The following OSBPL10 variants were observed in gnomAD, a reference collection of about 807,000 sequenced individuals.
The protein encoded by OSBPL10 is oxysterol binding protein like 10, also known as oxysterol-binding protein-related protein 10.
Under a neutral mutation model 81.7 loss-of-function variants are expected in OSBPL10, and 49 were observed. The observed-to-expected ratio is 0.60, with a 90% confidence interval of 0.48 to 0.76. The LOEUF (loss-of-function observed/expected upper bound fraction) is 0.76. Ranked by LOEUF, OSBPL10 falls within the 30% of genes least tolerant of loss-of-function variation. The pLI, the probability that OSBPL10 is intolerant of heterozygous loss-of-function variation, is 0.00. For synonymous variants in OSBPL10, 419 were observed against 383.6 expected, an observed-to-expected ratio of 1.09 and a Z score of -1.08; for missense variants, 923 against 987.8, an observed-to-expected ratio of 0.93 and a Z score of 0.88.
At chr3:31,685,326 C>T (rs576982205) in intron 7 of OSBPL10, among the ~76,000 whole-genome samples, 1 of 152,204 alleles carries the variant, frequency 6.6e-6, no homozygotes, top group Non-Finnish European at 1.5e-5. Context: ...CCTCAGTCTC[C>T]TGAGTAGCTG....
intron 3 of OSBPL10, among the ~76,000 whole-genome samples, chr3:31,834,699 A>C (rs1218971912): frequency 3.3e-5 from 5 of 152,226 alleles, no homozygotes; most frequent in Non-Finnish European, 5.9e-5. Context: ...GAATCTGTCC[A>C]ATCAAGGTAA....
intron 4 of OSBPL10, among the ~76,000 whole-genome samples, chr3:31,762,629 C>CCTTTTTTTTTTTTTTTTTT (rs1491572896): frequency 2.3e-4 from 4 of 17,236 alleles, no homozygotes; most frequent in African/African-American, 8.3e-4. Flanking sequence ...CCATGCCCAG[C>CCTTTTTTTTTTTTTTTTTT]ATTTTTTTTT....
chr3:31,878,375 A>G (rs150075903), intron 2 of OSBPL10, among the ~76,000 whole-genome samples: 190 of 152,376 alleles, frequency 1.2e-3, no homozygotes, highest in African/African-American at 4.4e-3. Flanking sequence ...AAGCGAAGCC[A>G]AGGACCATAT....
At chr3:31,895,780 T>A (rs1449269085) in intron 1 of OSBPL10, among the ~76,000 whole-genome samples, 4 of 152,222 alleles carry the variant, frequency 2.6e-5, no homozygotes, top group African/African-American at 9.6e-5. Flanking sequence ...AACGTACAGA[T>A]ATGTTGTCTA....
intron 3 of OSBPL10, among the ~76,000 whole-genome samples, chr3:31,849,447 G>A (rs1017466236): frequency 2.6e-5 from 4 of 152,008 alleles, no homozygotes; most frequent in African/African-American, 7.2e-5. Flanking sequence ...TATCTCTAAC[G>A]CACACAAAGA....
At chr3:31,764,144 T>C (rs1464380014) in intron 4 of OSBPL10, among the ~76,000 whole-genome samples, 1 of 152,262 alleles carries the variant, frequency 6.6e-6, no homozygotes, top group South Asian at 2.1e-4. Flanking sequence ...TGCTTTCTAC[T>C]CCTTCTCCAC....
At chr3:31,990,510 TGGAGAG>T in intron 2 of OSBPL10, 1 of 1,609,154 alleles carries the variant, frequency 6.2e-7, no homozygotes, top group Non-Finnish European at 8.5e-7. Flanking sequence ...CAATTCATAC[TGGAGAG>T]AAACCTTACA....
At chr3:32,066,469 G>A (rs1166735484) in intron 1 of OSBPL10, 1 of 152,296 alleles carries the variant, frequency 6.6e-6, no homozygotes, top group East Asian at 1.9e-4. Flanking sequence ...GTTGAATAAA[G>A]GCAGCCTTAC....
chr3:31,685,538 C>G (rs1448679768), intron 7 of OSBPL10, among the ~76,000 whole-genome samples: 1 of 152,202 alleles, frequency 6.6e-6, no homozygotes, highest in Non-Finnish European at 1.5e-5. Context: ...GCATCTCATT[C>G]TGTTCCTCCT....
Position 31,989,528 on chromosome 3 carries a change from C to T in OSBPL10, n.298+56963G>A, listed in dbSNP as rs776159912. The T allele has an allele frequency of 2.0e-5, 32 of 1,614,186 alleles. No individual in the cohort carries two copies. The highest frequency in any genetic ancestry group is 2.7e-5 in the Non-Finnish European group (32 of 1,180,028). ...GATCGAAGGCATCCTGGAAACAAGCCTATCAAAGATCAGCTTGGATTAAGC... is the reference window on the plus strand; with the variant it reads ...GATCGAAGGCATCCTGGAAACAAGCTTATCAAAGATCAGCTTGGATTAAGC... On this transcript the variant is annotated intron_variant and non_coding_transcript_variant, in intron 2 of 3. Transcript: ENST00000479173.
intron 4 of OSBPL10, among the ~76,000 whole-genome samples, chr3:31,770,951 G>C (rs1019874425): frequency 2.0e-5 from 3 of 152,210 alleles, no homozygotes; most frequent in African/African-American, 7.2e-5. Flanking sequence ...GTGTCTAGGA[G>C]TGTAGGCTGA....
At chr3:31,727,180 T>G (rs751701532) in intron 6 of OSBPL10, among the ~76,000 whole-genome samples, 4 of 152,082 alleles carry the variant, frequency 2.6e-5, no homozygotes, top group Non-Finnish European at 4.4e-5. Context: ...TTCCTGTTAT[T>G]TGCATCTGAA....
intron 3 of OSBPL10, among the ~76,000 whole-genome samples, chr3:31,849,124 A>T (rs1373267856): frequency 6.6e-6 from 1 of 152,226 alleles, no homozygotes; most frequent in Non-Finnish European, 1.5e-5. Context: ...GCCAAGTCAC[A>T]TGTGAACAGA....
chr3:31,872,382 C>G (rs1269629186), intron 3 of OSBPL10, among the ~76,000 whole-genome samples: 1 of 151,860 alleles, frequency 6.6e-6, no homozygotes, highest in Non-Finnish European at 1.5e-5. Context: ...GTGTACAAAC[C>G]AATGGAGGCT....
At chr3:31,718,128 CTTTTT>C (rs534220816) in intron 6 of OSBPL10, 1 of 144,292 alleles carries the variant, frequency 6.9e-6, no homozygotes, top group African/African-American at 2.6e-5. Context: ...TCTTCTTCTT[CTTTTT>C]TTTTTTTCTT....
intron 3 of OSBPL10, among the ~76,000 whole-genome samples, chr3:31,859,905 A>C (rs1701017911): frequency 6.6e-6 from 1 of 152,182 alleles, no homozygotes; most frequent in Admixed American, 6.5e-5. Flanking sequence ...TCCCACATGT[A>C]ATCAGACTGG....
chr3:31,941,426 T>G (rs1217633425), intron 1 of OSBPL10, among the ~76,000 whole-genome samples: 1 of 152,210 alleles, frequency 6.6e-6, no homozygotes, highest in Non-Finnish European at 1.5e-5. Context: ...TCAGTTGATT[T>G]AAGCAGAGGC....
intron 1 of OSBPL10, among the ~76,000 whole-genome samples, chr3:31,955,382 C>T (rs867522285): frequency 2.6e-5 from 4 of 152,194 alleles, no homozygotes; most frequent in Admixed American, 6.5e-5. Flanking sequence ...TTGAAACCAG[C>T]TCTACCAACC....
Position 31,870,425 on chromosome 3 carries a change from G to C in OSBPL10, c.537+6008C>G, listed in dbSNP as rs145375468. The stretch of plus-strand genomic sequence containing the variant: ...CCCTCCATGGGCTCCTGTGCGGCCC[G>C]AGCCTCCCCGACGAGCGCCGCCCCC... On this transcript the variant is annotated intron_variant, in intron 3 of 11. Transcript: ENST00000396556. 5.8e-4 allele frequency among the ~76,000 whole-genome samples: 88 copies of C among 152,322 alleles called. 1 individual carries two copies. The South Asian group carries it at 7.9e-3, about 14-fold the overall frequency.
Sources: gnomAD v4.1 joint callset for allele counts (sites outside exome capture counted in the v4.1 genomes callset) on GRCh38, gnomAD v4.1.1 for gene constraint, MANE v1.5 for transcripts, NCBI Gene and HGNC (gene_info 2026-07-23, HGNC 2026-07-21) for gene names.